The following PIK3C2G variants were observed in gnomAD, a reference collection of about 807,000 sequenced individuals.
PIK3C2G encodes the protein phosphatidylinositol 3-kinase C2 domain-containing subunit gamma.
PIK3C2G carries 168 observed loss-of-function variants against 181.1 expected under a neutral mutation model. The ratio of observed to expected loss-of-function variants is 0.93; its 90% CI spans 0.82 to 1.05. The LOEUF (loss-of-function observed/expected upper bound fraction) is 1.05, where lower values mean the gene tolerates loss of function less well. Ranked by LOEUF, PIK3C2G falls within the 50% of genes least tolerant of loss-of-function variation. The pLI, the probability that PIK3C2G is intolerant of heterozygous loss-of-function variation, is 0.00. For synonymous variants in PIK3C2G, 573 were observed against 592.2 expected (o/e 0.97, Z 0.47); for missense variants, 1,869 against 1,732.8 (o/e 1.08, Z -1.40).
intron 22 of PIK3C2G, among the ~76,000 whole-genome samples, chr12:18,502,300 T>C (rs1025936663): frequency 6.6e-6 from 1 of 152,214 alleles, no homozygotes; most frequent in Non-Finnish European, 1.5e-5. Context: ...TACTTTAATG[T>C]TGTTTAATTT....
intron 18 of PIK3C2G, among the ~76,000 whole-genome samples, chr12:18,469,464 C>T (rs1938238104): frequency 6.6e-6 from 1 of 152,024 alleles, no homozygotes; most frequent in Admixed American, 6.6e-5. Flanking sequence ...AAACTATGAC[C>T]TTTTCAAAGA....
upstream of PIK3C2G, among the ~76,000 whole-genome samples, chr12:18,244,875 G>T (rs1948023678): frequency 6.6e-6 from 1 of 152,004 alleles, no homozygotes; most frequent in African/African-American, 2.4e-5. Flanking sequence ...CACAATTTTT[G>T]AAAACAAGCT....
At chr12:18,497,416 G>A (rs767956017) in intron 21 of PIK3C2G, among the ~76,000 whole-genome samples, 6 of 152,030 alleles carry the variant, frequency 3.9e-5, no homozygotes, top group Non-Finnish European at 7.4e-5. Context: ...TGAAGCTTCT[G>A]TAATTATTTA....
chr12:18,687,614 A>G, the PIK3C2G span, among the ~76,000 whole-genome samples: 1 of 152,162 alleles, frequency 6.6e-6, no homozygotes, highest in Non-Finnish European at 1.5e-5. Flanking sequence ...TGACTGAATT[A>G]TCCAAAAATT....
chr12:18,701,917 T>TA, the PIK3C2G span: 3 of 1,210,528 alleles, frequency 2.5e-6, no homozygotes, highest in South Asian at 1.6e-5. Context: ...CCCATACCCC[T>TA]ATTCACATCT....
upstream of PIK3C2G, among the ~76,000 whole-genome samples, chr12:18,247,455 A>T (rs1451951786): frequency 6.6e-6 from 1 of 152,168 alleles, no homozygotes; most frequent in African/African-American, 2.4e-5. Flanking sequence ...AAGAGAAAAG[A>T]AAGAGAAAGA....
intron 31 of PIK3C2G, among the ~76,000 whole-genome samples, chr12:18,625,871 A>G (rs1376593621): frequency 2.0e-5 from 3 of 151,800 alleles, no homozygotes; most frequent in East Asian, 3.9e-4. Flanking sequence ...TTCACAGACT[A>G]TTGTTTTTCA....
At chr12:18,329,433 G>A (rs547337974) in intron 8 of PIK3C2G, among the ~76,000 whole-genome samples, 6 of 151,996 alleles carry the variant, frequency 3.9e-5, no homozygotes, top group African/African-American at 1.4e-4. Flanking sequence ...GGATTTTGTA[G>A]ACTTTCTTTA....
intron 1 of PIK3C2G, among the ~76,000 whole-genome samples, chr12:18,264,544 T>G (rs1948394928): frequency 6.6e-6 from 1 of 152,200 alleles, no homozygotes; most frequent in Non-Finnish European, 1.5e-5. Flanking sequence ...ATTCTTCATA[T>G]TTCCACCTCC....
intron 24 of PIK3C2G, among the ~76,000 whole-genome samples, chr12:18,520,092 A>G (rs941865609): frequency 6.7e-5 from 10 of 149,140 alleles, no homozygotes; most frequent in Non-Finnish European, 5.9e-5. Flanking sequence ...GCCTGCTGTT[A>G]GTCTGATGGG....
chr12:18,379,007 T>A (rs1171864804), intron 13 of PIK3C2G, among the ~76,000 whole-genome samples: 1 of 152,144 alleles, frequency 6.6e-6, no homozygotes, highest in Non-Finnish European at 1.5e-5. Flanking sequence ...AGCCATCCCA[T>A]TACTGGGTAT....
the PIK3C2G span, chr12:18,719,570 G>C: frequency 1.2e-6 from 2 of 1,604,980 alleles, no homozygotes; most frequent in Non-Finnish European, 1.7e-6. Flanking sequence ...TTAAACAGTA[G>C]ACATTCACGT....
intron 26 of PIK3C2G, among the ~76,000 whole-genome samples, chr12:18,557,804 C>T (rs1945088650): frequency 6.6e-6 from 1 of 152,042 alleles, no homozygotes; most frequent in East Asian, 1.9e-4. Flanking sequence ...AGCATTTATG[C>T]CATACAAAAT....
Position 18,350,369 on chromosome 12 carries a change from A to G in PIK3C2G, c.1625+3533A>G, listed in dbSNP as rs12315515. Among the ~76,000 whole-genome samples, 600 of 152,300 alleles carry G rather than the reference A, an allele frequency of 3.9e-3. 1 individual carries two copies. Among genetic ancestry groups the G allele is most frequent in the African/African-American group, 0.014 (564 of 41,562 alleles). ...GTTTGATAAATAGAATGCAAAAATA[A>G]TTATGCAAAAATGCATAATATGTAC... is the stretch of plus-strand genomic sequence containing the variant. On this transcript the variant is annotated intron_variant, in intron 11 of 32. Transcript: ENST00000538779.
At chr12:18,537,125 C>T (rs1943902400) in intron 24 of PIK3C2G, among the ~76,000 whole-genome samples, 1 of 152,078 alleles carries the variant, frequency 6.6e-6, no homozygotes, top group African/African-American at 2.4e-5. Flanking sequence ...AATATCCACA[C>T]TACTGAAAGG....
the PIK3C2G span, chr12:18,694,181 G>A: frequency 5.6e-5 from 37 of 662,082 alleles, no homozygotes; most frequent in Non-Finnish European, 9.2e-5. Context: ...TTGCCCAGAG[G>A]AATCTCTGTT....
the PIK3C2G span, chr12:18,688,130 T>C: frequency 2.5e-6 from 4 of 1,611,808 alleles, no homozygotes; most frequent in Non-Finnish European, 3.4e-6. Context: ...CATTTGATCA[T>C]TTGGAACACC....
At chr12:18,630,583 G>A (rs1478395367) in intron 31 of PIK3C2G, among the ~76,000 whole-genome samples, 3 of 152,134 alleles carry the variant, frequency 2.0e-5, no homozygotes, top group Non-Finnish European at 4.4e-5. Flanking sequence ...GGAATGTGGA[G>A]TCGGGGAAGA....
chr12:18,261,853 T>C (rs1002631330), intron 1 of PIK3C2G, among the ~76,000 whole-genome samples: 1 of 152,052 alleles, frequency 6.6e-6, no homozygotes, highest in African/African-American at 2.4e-5. Flanking sequence ...TTTCTCTCTC[T>C]CTCCAGCTAG....
Sources: gnomAD v4.1 joint callset for allele counts (sites outside exome capture counted in the v4.1 genomes callset) on GRCh38, gnomAD v4.1.1 for gene constraint, MANE v1.5 for transcripts, NCBI Gene and HGNC (gene_info 2026-07-23, HGNC 2026-07-21) for gene names.